Variants in UGT3A1 observed in about 807,000 individuals in gnomAD.
The protein encoded by UGT3A1 is UDP-glycosyltransferase 3A1.
A neutral mutation model predicts 37.6 loss-of-function variants in UGT3A1; 40 were observed. The ratio of observed to expected loss-of-function variants is 1.06; its 90% confidence interval spans 0.83 to 1.38. UGT3A1 has a LOEUF of 1.38. UGT3A1 is among the 40% of genes most tolerant of loss of function. The pLI is 0.00. For missense variants in UGT3A1, 642 were observed against 634.2 expected (o/e 1.01, Z -0.13); for synonymous variants, 256 against 232.3 (o/e 1.10, Z -0.93).
Position 35,991,178 on chromosome 5 carries a change from C to T in UGT3A1, c.63G>A (p.Glu21=). Residue 21 remains glutamate (E), a synonymous_variant, in exon 1 of 7, where the codon GAG becomes GAA. Transcript: ENST00000274278. ...TAGATATTGTCAGGATTTTGGCAGCCTCTGAGAGCAGGACCCCAGAAAGAA... is the reference window on the plus strand; with the variant it reads ...TAGATATTGTCAGGATTTTGGCAGCTTCTGAGAGCAGGACCCCAGAAAGAA... The part of the protein sequence containing the change: ...AFLLSGVLLS[E]AAKILTISTL... 1 of 1,614,028 alleles carries T rather than the reference C, an allele frequency of 6.2e-7. No homozygotes were observed.
At chr5:35,979,524 C>A (rs1740434001) in intron 2 of UGT3A1, among the ~76,000 whole-genome samples, 1 of 152,162 alleles carries the variant, frequency 6.6e-6, no homozygotes, top group African/African-American at 2.4e-5. Flanking sequence ...TCTGAAACCA[C>A]CTCAGCCTGG....
At chr5:35,966,973 T>G (rs1739832764) in intron 3 of UGT3A1, among the ~76,000 whole-genome samples, 1 of 152,238 alleles carries the variant, frequency 6.6e-6, no homozygotes. Context: ...AGAATGATTT[T>G]TAAATATTGT....
At chr5:35,975,802 G>A (rs536506532) in intron 2 of UGT3A1, among the ~76,000 whole-genome samples, 3 of 152,068 alleles carry the variant, frequency 2.0e-5, no homozygotes, top group South Asian at 2.1e-4. Flanking sequence ...CCATTAACAC[G>A]TCATTTACAT....
chr5:35,969,595 A>G (rs1028136225), intron 2 of UGT3A1, among the ~76,000 whole-genome samples: 2 of 152,202 alleles, frequency 1.3e-5, no homozygotes, highest in African/African-American at 2.4e-5. Context: ...AAACTAAAAC[A>G]AAGGTCTACA....
intron 2 of UGT3A1, among the ~76,000 whole-genome samples, chr5:35,976,911 G>A (rs116257419): frequency 3.8e-5 from 3 of 79,686 alleles, no homozygotes; most frequent in African/African-American, 7.6e-5. Flanking sequence ...GAAGGAAGGA[G>A]AGAGAGAAAG....
chr5:35,955,707 C>A lies in UGT3A1; in HGVS notation c.1233G>T (p.Arg411=). 1 of 1,614,198 alleles carries A rather than the reference C, an allele frequency of 6.2e-7. No homozygotes were observed. The highest frequency in any genetic ancestry group is 1.3e-5 in the African/African-American group (1 of 75,042). Residue 411 remains arginine (R), a synonymous_variant, in exon 6 of 7, where the codon CGG becomes CGT. Coordinates refer to ENST00000274278, the MANE Select transcript of UGT3A1 (RefSeq NM_152404.4). ...GTGTGTCGGCTGTGACCTGATTCAA[C>A]CGGATAGAGACACCATAATTTTTGG... ...VVAKNYGVSI[R]LNQVTADTLT... is the part of the protein sequence containing the mutation.
intron 2 of UGT3A1, chr5:35,997,093 C>T (rs1399472764): frequency 2.6e-5 from 4 of 152,166 alleles, no homozygotes; most frequent in Non-Finnish European, 4.4e-5. Flanking sequence ...CTGCACAAGC[C>T]TCTGCAATAG....
intron 1 of UGT3A1, chr5:35,990,846 A>G: frequency 9.5e-7 from 1 of 1,047,596 alleles, no homozygotes; most frequent in South Asian, 2.0e-5. Flanking sequence ...CAGCCCAGGA[A>G]CTCAAGCTCT....
chr5:35,979,111 C>T lies in UGT3A1; in HGVS notation c.196+9339G>A, dbSNP rs145937634. ...CCTGTGTCTTTGCAAGGTATAGACT[C>T]CATCCCAGTTGGTTTCATGGGCAGC... On this transcript the variant is annotated intron_variant, in intron 2 of 6. Transcript: ENST00000274278. Among the ~76,000 whole-genome samples the T allele has an allele frequency of 5.8e-3, 886 of 152,230 alleles. 10 individuals are homozygous for T. Among genetic ancestry groups the T allele is most frequent in the Non-Finnish European group, 7.5e-3 (513 of 68,018 alleles).
At chr5:35,957,747 C>G (rs1169562703) in intron 4 of UGT3A1, among the ~76,000 whole-genome samples, 1 of 152,168 alleles carries the variant, frequency 6.6e-6, no homozygotes, top group Non-Finnish European at 1.5e-5. Flanking sequence ...TTGATGAGTT[C>G]AGTCTTCTGA....
intron 1 of UGT3A1, among the ~76,000 whole-genome samples, chr5:35,988,753 T>C (rs561018276): frequency 8.7e-4 from 132 of 152,316 alleles, no homozygotes; most frequent in African/African-American, 3.0e-3. Flanking sequence ...AAAGCCTTCC[T>C]GTCCTATGTT....
rs79977207 is a variant in UGT3A1, at chr5:35,968,998, C to A, written c.197-865G>T. On this transcript the variant is annotated intron_variant, in intron 2 of 6. Coordinates refer to ENST00000274278, the MANE Select transcript of UGT3A1 (RefSeq NM_152404.4). The stretch of plus-strand genomic sequence containing the variant: ...GTATGTCTCAGATGGAATTGTGTTT[C>A]TCAACTACAGCATGAGCTGTGGTTG... Among the ~76,000 whole-genome samples the A allele has an allele frequency of 5.1e-3, 783 of 152,290 alleles. 19 individuals are homozygous for A. In the East Asian group the frequency reaches 0.055, roughly 11 times the overall value.
chr5:35,983,690 A>T (rs1157667128), intron 2 of UGT3A1, among the ~76,000 whole-genome samples: 1 of 152,220 alleles, frequency 6.6e-6, no homozygotes, highest in Non-Finnish European at 1.5e-5. Flanking sequence ...CATTAAAAAG[A>T]TCATTCACCA....
At chr5:35,996,457 A>G (rs1741098523) in intron 2 of UGT3A1, among the ~76,000 whole-genome samples, 1 of 152,218 alleles carries the variant, frequency 6.6e-6, no homozygotes, top group Non-Finnish European at 1.5e-5. Flanking sequence ...TGTGTCTAAT[A>G]AAACAATCTC....
chr5:35,970,515 C>G (rs1019160092), intron 2 of UGT3A1, among the ~76,000 whole-genome samples: 1 of 152,060 alleles, frequency 6.6e-6, no homozygotes, highest in African/African-American at 2.4e-5. Flanking sequence ...CGTGGGAATT[C>G]GAGATAAGAT....
At position 35,953,442 on chromosome 5, in the gene UGT3A1, C is replaced by A. The variant is rs6864785; in HGVS notation, c.*760G>T. On this transcript the variant is annotated 3_prime_UTR_variant, in exon 7 of 7. Coordinates refer to ENST00000274278, the MANE Select transcript of UGT3A1 (RefSeq NM_152404.4). ...TATAGAAGGGTATTAACTGCCATGT[C>A]GGGGATGGAAGATGGACTTTTTCTA... The A allele has an allele frequency of 0.99, 151,543 of 152,500 alleles. 75,303 individuals carry two copies. Among genetic ancestry groups the A allele is most frequent in the East Asian group, 1 (5,320 of 5,320 alleles). The allele number at this position is 152,500 out of a possible 1,614,324, so 9.4% of individuals were successfully genotyped here.
upstream of UGT3A1, chr5:35,991,757 G>C (rs1193654336): frequency 2.0e-6 from 1 of 510,456 alleles, no homozygotes; most frequent in Non-Finnish European, 2.5e-6. Context: ...GGTGTCCCAA[G>C]CTCAAGATGT....
At chr5:35,957,017 G>A (rs1214658310) in intron 5 of UGT3A1, among the ~76,000 whole-genome samples, 171 bp downstream of exon 5, 1 of 152,192 alleles carries the variant, frequency 6.6e-6, no homozygotes, top group Non-Finnish European at 1.5e-5. Context: ...AGTACAGCCT[G>A]ATTCCCAAAG....
chr5:35,966,400 T>A (rs971578972), intron 3 of UGT3A1, among the ~76,000 whole-genome samples: 1 of 152,212 alleles, frequency 6.6e-6, no homozygotes, highest in Admixed American at 6.5e-5. Flanking sequence ...GATTGTCTCA[T>A]GCAGTGAACT....
Sources: gnomAD v4.1 joint callset for allele counts (sites outside exome capture counted in the v4.1 genomes callset) on GRCh38, gnomAD v4.1.1 for gene constraint, MANE v1.5 for transcripts, NCBI Gene and HGNC (gene_info 2026-07-23, HGNC 2026-07-21) for gene names.